AATF: variants seen among roughly 807,000 people sequenced by gnomAD.
AATF encodes apoptosis antagonizing transcription factor.
AATF carries 48 observed loss-of-function variants against 63.7 expected under a neutral mutation model. The ratio of observed to expected loss-of-function variants is 0.75; its 90% CI spans 0.60 to 0.96. The LOEUF is 0.96. Among genes scored for constraint, AATF ranks in the 40% least tolerant of loss-of-function variants. The pLI, the probability that AATF is intolerant of heterozygous loss-of-function variation, is 0.00. For missense variants in AATF, 639 were observed against 685.7 expected (o/e 0.93, Z 0.76); for synonymous variants, 258 against 247.7 (o/e 1.04, Z -0.39).
chr17:36,971,650 A>G (rs1459373259), intron 4 of AATF, among the ~76,000 whole-genome samples: 1 of 152,250 alleles, frequency 6.6e-6, no homozygotes, highest in African/African-American at 2.4e-5. Flanking sequence ...AGCATTATTT[A>G]TAATCACCAA....
chr17:37,052,046 T>G (rs1238811792), intron 11 of AATF, among the ~76,000 whole-genome samples: 1 of 150,864 alleles, frequency 6.6e-6, no homozygotes, highest in South Asian at 2.1e-4. Flanking sequence ...CGCAGGCTGC[T>G]CCCCTGCATG....
At chr17:36,988,847 T>C (rs1203386035) in intron 6 of AATF, 127 bp downstream of exon 6, 1 of 956,160 alleles carries the variant, frequency 1.0e-6, no homozygotes, top group Non-Finnish European at 1.5e-6. Flanking sequence ...CATTCATTTC[T>C]ATAGCAAAAT....
At chr17:36,998,367 A>G (rs2071270488) in intron 8 of AATF, among the ~76,000 whole-genome samples, 1 of 152,236 alleles carries the variant, frequency 6.6e-6, no homozygotes. Flanking sequence ...GACTGTTGTA[A>G]GATTTACCCA....
chr17:36,979,688 C>T (rs1456849687), intron 4 of AATF, among the ~76,000 whole-genome samples: 2 of 152,066 alleles, frequency 1.3e-5, no homozygotes, highest in Admixed American at 6.6e-5. Flanking sequence ...AACTGATAAG[C>T]TTTATTTACT....
At chr17:37,055,817 GATCTGCTCTGT>G (rs1320531917) in intron 11 of AATF, 12 of 152,278 alleles carry the variant, frequency 7.9e-5, no homozygotes, top group African/African-American at 2.9e-4. Flanking sequence ...CTGCAGGGAG[GATCTGCTCTGT>G]ATCCACAGGG....
intron 4 of AATF, among the ~76,000 whole-genome samples, chr17:36,985,077 C>T (rs1433991293): frequency 1.3e-5 from 2 of 151,912 alleles, no homozygotes; most frequent in East Asian, 3.9e-4. Flanking sequence ...AATTTTTATA[C>T]TTTTAGTACA....
intron 4 of AATF, among the ~76,000 whole-genome samples, chr17:36,972,022 A>G (rs1367699431): frequency 1.3e-5 from 2 of 151,622 alleles, no homozygotes; most frequent in African/African-American, 4.9e-5. Flanking sequence ...TCTCTGTTGA[A>G]CCCTTCAGCC....
chr17:37,001,417 A>G lies in AATF; in HGVS notation c.1398+10560A>G, dbSNP rs970205234. On this transcript the variant is annotated intron_variant, in intron 8 of 11. Coordinates refer to ENST00000619387, the MANE Select transcript of AATF (RefSeq NM_012138.4). The stretch of plus-strand genomic sequence containing the variant: ...GGGAGGAGGGAGGGAGGAAGGAAGG[A>G]AGGAAGGAAGGAAGGAAGGAAGGAA... Among the ~76,000 whole-genome samples, 278 of 87,420 alleles carry G rather than the reference A, an allele frequency of 3.2e-3. 3 individuals carry two copies. Among genetic ancestry groups the G allele is most frequent in the African/African-American group, 0.011 (208 of 18,414 alleles). 57.4% of individuals were successfully genotyped at this position (87,420 alleles called of 152,430 possible). A position where few individuals can be genotyped will look rare whatever the true frequency, so the allele number is the denominator to read the frequency against.
chr17:37,041,022 AG>A (rs1002962143), intron 11 of AATF, among the ~76,000 whole-genome samples: 2 of 152,236 alleles, frequency 1.3e-5, no homozygotes, highest in African/African-American at 4.8e-5. Flanking sequence ...TAATAAAAAT[AG>A]TGCATGCTTA....
rs549666431 is a variant in AATF, at chr17:37,012,286, C to G, written c.1399-6719C>G. On this transcript the variant is annotated intron_variant, in intron 8 of 11. Coordinates refer to ENST00000619387, the MANE Select transcript of AATF (RefSeq NM_012138.4). ...GCCAGGCTGGTCTCGAACTTCTGGC[C>G]TCAAGTGATCCGCCTGCCTTGGCCT... 4.6e-5 allele frequency among the ~76,000 whole-genome samples: 7 copies of G among 152,258 alleles called. No individual in the cohort carries two copies. The East Asian group carries it at 1.4e-3, about 29-fold the overall frequency.
chr17:37,049,051 T>C (rs1252636891), intron 11 of AATF, among the ~76,000 whole-genome samples: 1 of 152,130 alleles, frequency 6.6e-6, no homozygotes, highest in African/African-American at 2.4e-5. Flanking sequence ...TGCTTAGTGC[T>C]GTAAAAACAG....
At position 37,019,073 on chromosome 17, in the gene AATF, G is replaced by A. The variant is rs1025683925; in HGVS notation, c.1466+1G>A. On this transcript the variant is annotated splice_donor_variant, in intron 9 of 11. Coordinates refer to ENST00000619387, the MANE Select transcript of AATF (RefSeq NM_012138.4). LOFTEE classifies it high-confidence loss of function. ...CCAACGATCAGGTGGCCATGGGAAG[G>A]TAATTTAGATACAGCTTTCTGTTCA... The A allele has an allele frequency of 7.0e-5, 113 of 1,613,728 alleles. No individual in the cohort carries two copies. The highest frequency in any genetic ancestry group is 9.1e-5 in the Non-Finnish European group (107 of 1,179,732).
chr17:37,005,229 A>G (rs1281871799), intron 8 of AATF, among the ~76,000 whole-genome samples: 1 of 152,206 alleles, frequency 6.6e-6, no homozygotes, highest in East Asian at 1.9e-4. Context: ...AGATACATCT[A>G]TCCCTAAGGG....
intron 11 of AATF, among the ~76,000 whole-genome samples, chr17:37,049,497 C>T (rs1412541307): frequency 3.3e-5 from 5 of 151,280 alleles, no homozygotes; most frequent in East Asian, 2.0e-4. Flanking sequence ...CCCAGGTACT[C>T]GGGAAGCTGA....
At chr17:37,030,419 T>G (rs1048902640) in intron 10 of AATF, among the ~76,000 whole-genome samples, 2 of 152,196 alleles carry the variant, frequency 1.3e-5, no homozygotes, top group Non-Finnish European at 2.9e-5. Context: ...TGGATAGTGT[T>G]TTGCCCTAGT....
intron 4 of AATF, among the ~76,000 whole-genome samples, chr17:36,955,415 G>A (rs1452732889): frequency 6.6e-6 from 1 of 152,156 alleles, no homozygotes; most frequent in South Asian, 2.1e-4. Flanking sequence ...GCCTTACGTG[G>A]CCTGTGTGGG....
At chr17:36,993,652 G>GT (rs991799378) in intron 8 of AATF, among the ~76,000 whole-genome samples, 11 of 152,052 alleles carry the variant, frequency 7.2e-5, no homozygotes, top group South Asian at 4.2e-4. Flanking sequence ...CATTTGTGTG[G>GT]TTTTTTTTAA....
chr17:37,030,274 G>A (rs1289303604), intron 10 of AATF, among the ~76,000 whole-genome samples: 1 of 152,090 alleles, frequency 6.6e-6, no homozygotes, highest in Admixed American at 6.5e-5. Context: ...CATTTGTTGA[G>A]ATAAAGAATT....
intron 4 of AATF, among the ~76,000 whole-genome samples, chr17:36,956,669 G>A (rs1214237431): frequency 1.0e-3 from 132 of 132,466 alleles, no homozygotes; most frequent in Admixed American, 2.0e-3. Flanking sequence ...GTGAAACTCC[G>A]TCTCAAAAAA....
Sources: gnomAD v4.1 joint callset for allele counts (sites outside exome capture counted in the v4.1 genomes callset) on GRCh38, gnomAD v4.1.1 for gene constraint, MANE v1.5 for transcripts, NCBI Gene and HGNC (gene_info 2026-07-23, HGNC 2026-07-21) for gene names.